SH3YL1: variants seen among roughly 807,000 people sequenced by gnomAD.
SH3YL1 encodes the protein SH3 domain-containing YSC84-like protein 1.
SH3YL1 carries 41 observed loss-of-function variants against 45.8 expected under a neutral mutation model. The observed-to-expected ratio is 0.89, with a 90% CI of 0.70 to 1.16. The LOEUF is 1.16. Ranked by LOEUF, SH3YL1 falls within the 50% of genes most tolerant of loss-of-function variation. The probability of loss-of-function intolerance (pLI) is 0.00; values close to 1 mark genes in which losing one functional copy is unlikely to be tolerated. For synonymous variants in SH3YL1, 152 were observed against 151.4 expected (o/e 1.00, Z -0.03); for missense variants, 389 against 409.6 (o/e 0.95, Z 0.43).
At chr2:235,076 C>A (rs557627669) in intron 4 of SH3YL1, among the ~76,000 whole-genome samples, 1 of 152,156 alleles carries the variant, frequency 6.6e-6, no homozygotes, top group Non-Finnish European at 1.5e-5. Context: ...GGGGTTTCGC[C>A]ATGTTGGCCA....
chr2:235,437 G>C (rs1422254319), intron 4 of SH3YL1, among the ~76,000 whole-genome samples: 7 of 70,350 alleles, frequency 1.0e-4, no homozygotes, highest in African/African-American at 3.4e-4. Flanking sequence ...AGGGGAGGCA[G>C]CATGGGCCAG....
intron 9 of SH3YL1, chr2:222,904 ATGGTAAGCAAACATGAGGAAATCCT>A: frequency 6.6e-6 from 1 of 152,354 alleles, no homozygotes; most frequent in East Asian, 1.9e-4. Flanking sequence ...CTCTGCAGCG[ATGGTAAGCAAACATGAGGAAATCCT>A]TGGTAAGAGG....
chr2:238,862 C>T (rs1257967336), intron 4 of SH3YL1, among the ~76,000 whole-genome samples: 3 of 152,310 alleles, frequency 2.0e-5, no homozygotes, highest in Admixed American at 1.3e-4. Flanking sequence ...TCCAGATACA[C>T]GTATTCAGTC....
At chr2:247,504 A>G in intron 4 of SH3YL1, 34 bp downstream of exon 4, 1 of 1,517,354 alleles carries the variant, frequency 6.6e-7, no homozygotes, top group Non-Finnish European at 8.9e-7. Flanking sequence ...TTCAGAGGAT[A>G]TGGCAGTTGT....
intron 3 of SH3YL1, among the ~76,000 whole-genome samples, chr2:248,766 G>A (rs1668946747): frequency 6.6e-6 from 1 of 152,158 alleles, no homozygotes; most frequent in Non-Finnish European, 1.5e-5. Context: ...CCTCTACTTT[G>A]TTTGGTTTTA....
chr2:218,714 T>C lies in SH3YL1; in HGVS notation c.*97A>G, dbSNP rs542785836. ...GAATGGAAATTTTGTAGAACAGAAGTTTTTTAAAATTTATATTAAACATTG... is the reference window on the plus strand; with the variant it reads ...GAATGGAAATTTTGTAGAACAGAAGCTTTTTAAAATTTATATTAAACATTG... On this transcript the variant is annotated 3_prime_UTR_variant, in exon 10 of 10. Coordinates refer to ENST00000356150, the MANE Select transcript of SH3YL1 (RefSeq NM_015677.4). 8 of 1,113,786 alleles carry C rather than the reference T, an allele frequency of 7.2e-6. No homozygotes were observed. The East Asian group carries it at 1.9e-4, about 26-fold the overall frequency. 69.0% of individuals were successfully genotyped at this position (1,113,786 alleles called of 1,614,324 possible). A position where few individuals can be genotyped will look rare whatever the true frequency, so the allele number is the denominator to read the frequency against.
At chr2:264,812 G>T, upstream of SH3YL1, 1 of 859,016 alleles carries the variant, frequency 1.2e-6, no homozygotes, top group Non-Finnish European at 1.7e-6. Context: ...AGGCGCACTG[G>T]AGCCGATTGC....
intron 4 of SH3YL1, chr2:243,510 T>A: frequency 6.5e-7 from 1 of 1,539,504 alleles, no homozygotes; most frequent in Non-Finnish European, 8.7e-7. Context: ...TACCCACACT[T>A]ATGGAAGGCA....
intron 1 of SH3YL1, among the ~76,000 whole-genome samples, chr2:254,364 CTT>C (rs985840039): frequency 1.3e-5 from 2 of 152,308 alleles, no homozygotes; most frequent in African/African-American, 2.4e-5. Context: ...AGACTATTCT[CTT>C]GTTACTGGAC....
intron 6 of SH3YL1, 93 bp downstream of exon 6, chr2:233,008 G>T (rs1668116013): frequency 8.9e-7 from 1 of 1,121,612 alleles, no homozygotes; most frequent in Non-Finnish European, 1.2e-6. Context: ...GTTGTAAAAA[G>T]AATATATAAA....
intron 7 of SH3YL1, 96 bp downstream of exon 7, chr2:230,927 C>T: frequency 1.7e-6 from 2 of 1,185,500 alleles, no homozygotes; most frequent in Non-Finnish European, 2.5e-6. Flanking sequence ...ACGAAGGAGG[C>T]TTAGTAGGTT....
Position 224,747 on chromosome 2 carries a change from A to G in SH3YL1, c.838+117T>C, listed in dbSNP as rs1667721267. 53 of 764,990 alleles carry G rather than the reference A, an allele frequency of 6.9e-5. 1 individual carries two copies. The South Asian group carries it at 8.1e-4, about 12-fold the overall frequency. The allele number at this position is 764,990 out of a possible 1,614,324, so 47.4% of individuals were successfully genotyped here. On this transcript the variant is annotated intron_variant, in intron 9 of 9. Transcript: ENST00000356150. ...CTTCTCAAAAGAATGTGAATATTCT[A>G]TAAATTAAAGGGCTGAACACTTCCC...
chr2:260,107 A>G (rs561482474), intron 1 of SH3YL1: 33 of 152,334 alleles, frequency 2.2e-4, no homozygotes, highest in African/African-American at 7.5e-4. Flanking sequence ...CTGCATTTTG[A>G]TGTATGCTTC....
intron 4 of SH3YL1, among the ~76,000 whole-genome samples, chr2:235,649 C>T (rs1319168863): frequency 4.4e-5 from 4 of 90,460 alleles, no homozygotes; most frequent in African/African-American, 9.7e-5. Flanking sequence ...GCAGCATGGG[C>T]CAGGGGAGGC....
chr2:264,251 G>C, upstream of SH3YL1: 2 of 434,502 alleles, frequency 4.6e-6, no homozygotes, highest in Non-Finnish European at 8.0e-6. Context: ...CTCCAAGCAC[G>C]GTGTTGGGGG....
chr2:232,954 G>A (rs1668114634), intron 6 of SH3YL1, 147 bp downstream of exon 6: 1 of 541,736 alleles, frequency 1.8e-6, no homozygotes, highest in East Asian at 3.7e-5. Flanking sequence ...TATATTATTT[G>A]TATATTTAAT....
At chr2:243,636 A>G (rs997727378) in intron 4 of SH3YL1, 47 of 1,475,900 alleles carry the variant, frequency 3.2e-5, no homozygotes, top group Non-Finnish European at 4.1e-5. Flanking sequence ...GAGTTTAACT[A>G]AACTTTAAGC....
intron 5 of SH3YL1, 115 bp downstream of exon 5, chr2:234,045 G>T: frequency 1.3e-6 from 1 of 754,498 alleles, no homozygotes; most frequent in Non-Finnish European, 2.2e-6. Context: ...TTTCGGGCAT[G>T]TATAAATCTG....
At position 230,149 on chromosome 2, in the gene SH3YL1, T is replaced by C. The variant is rs1183662528; in HGVS notation, c.703-105A>G. On this transcript the variant is annotated intron_variant, in intron 7 of 9. Coordinates refer to ENST00000356150, the MANE Select transcript of SH3YL1 (RefSeq NM_015677.4). Reference sequence around the variant, plus strand: ...GGTTATGTAGCAAACTTTTATCATGTGTGCTTATTAATGTGGCACTCTCAA... The same window carrying C: ...GGTTATGTAGCAAACTTTTATCATGCGTGCTTATTAATGTGGCACTCTCAA... 2.2e-5 allele frequency: 17 copies of C among 761,260 alleles called. No individual in the cohort carries two copies. The East Asian group carries it at 4.1e-4, about 18-fold the overall frequency. 47.2% of individuals were successfully genotyped at this position (761,260 alleles called of 1,614,324 possible).
Sources: gnomAD v4.1 joint callset for allele counts (sites outside exome capture counted in the v4.1 genomes callset) on GRCh38, gnomAD v4.1.1 for gene constraint, MANE v1.5 for transcripts, NCBI Gene and HGNC (gene_info 2026-07-23, HGNC 2026-07-21) for gene names.